HPS5: variants seen among roughly 807,000 people sequenced by gnomAD.
HPS5 encodes BLOC-2 complex member HPS5.
HPS5 carries 83 observed loss-of-function variants against 128.0 expected under a neutral mutation model. That is an observed-to-expected ratio of 0.65 (90% confidence interval 0.54 to 0.78). The LOEUF (loss-of-function observed/expected upper bound fraction) is 0.78, where lower values mean the gene tolerates loss of function less well. Among genes scored for constraint, HPS5 ranks in the 30% least tolerant of loss-of-function variants. The pLI is 0.00. For synonymous variants in HPS5, 475 were observed against 470.2 expected, an observed-to-expected ratio of 1.01 and a Z score of -0.13; for missense variants, 1,281 against 1,326.2, an observed-to-expected ratio of 0.97 and a Z score of 0.53.
intron 6 of HPS5, 45 bp downstream of exon 6, chr11:18,308,901 T>C: frequency 6.2e-7 from 1 of 1,601,104 alleles, no homozygotes; most frequent in East Asian, 2.2e-5. Context: ...TTCCTCCCAG[T>C]TCTAAAATTC....
At position 18,278,723 on chromosome 11, in the gene HPS5, CTCA is replaced by C. The variant is rs1404964685; in HGVS notation, c.*1156_*1158del. 2.0e-5 allele frequency: 3 copies of C among 152,246 alleles called. No homozygotes were observed. Among genetic ancestry groups the C allele is most frequent in the African/African-American group, 7.2e-5 (3 of 41,456 alleles). 9.4% of individuals were successfully genotyped at this position (152,246 alleles called of 1,614,324 possible). A position where few individuals can be genotyped will look rare whatever the true frequency, so the allele number is the denominator to read the frequency against. ...TTACTCCACACCTTTCTGCAAAATGCTCATAATAAACCTCCTGTCTACATTGTG... is the reference window on the plus strand; with the variant it reads ...TTACTCCACACCTTTCTGCAAAATGCTAATAAACCTCCTGTCTACATTGTG... On this transcript the variant is annotated 3_prime_UTR_variant, in exon 23 of 23. Coordinates refer to ENST00000349215, the MANE Select transcript of HPS5 (RefSeq NM_181507.2).
At chr11:18,284,012 A>T (rs1590048331) in intron 20 of HPS5, 111 bp from the exon 21 acceptor site, 1 of 720,000 alleles carries the variant, frequency 1.4e-6, no homozygotes, top group East Asian at 2.7e-5. Context: ...ATTTAAATTA[A>T]TTAAAAGTAA....
intron 12 of HPS5, chr11:18,296,568 G>A (rs949931966): frequency 1.6e-6 from 1 of 616,202 alleles, no homozygotes; most frequent in African/African-American, 1.8e-5. Flanking sequence ...TTTGATGCAT[G>A]ATCAAAAACA....
rs758338350 is a variant in HPS5, at chr11:18,291,506, CT to C, written c.2375del (p.Glu792GlyfsTer21). On this transcript the variant is annotated frameshift_variant, in exon 16 of 23. Transcript: ENST00000349215. LOFTEE classifies it high-confidence loss of function. The part of the protein sequence containing the change: ...FFLLNLKRAK[E>X]SIKLSYSNSP... ...TATTACTGTAACTAAGCTTGATACT[CT>C]CCTTCGCTCTTTTCAAGTTCAGGAG... The C allele has an allele frequency of 1.2e-5, 20 of 1,611,722 alleles. No homozygotes were observed. Among genetic ancestry groups the C allele is most frequent in the Non-Finnish European group, 1.5e-5 (18 of 1,179,144 alleles).
At chr11:18,282,891 T>C (rs1415275733) in intron 21 of HPS5, among the ~76,000 whole-genome samples, 1 of 152,038 alleles carries the variant, frequency 6.6e-6, no homozygotes, top group Middle Eastern at 3.2e-3. Flanking sequence ...GCCCACATAA[T>C]GTGAAAACTT....
chr11:18,294,157 C>T (rs574478539), intron 14 of HPS5, among the ~76,000 whole-genome samples: 4 of 152,330 alleles, frequency 2.6e-5, no homozygotes, highest in Admixed American at 1.3e-4. Context: ...AACTCTACTA[C>T]ACAAGGACCA....
At chr11:18,310,210 C>T (rs571432999) in intron 5 of HPS5, among the ~76,000 whole-genome samples, 1 of 152,288 alleles carries the variant, frequency 6.6e-6, no homozygotes, top group South Asian at 2.1e-4. Context: ...AACCCTTCTA[C>T]TTAGCCATAA....
At chr11:18,295,600 CAA>C (rs1245371482) in intron 13 of HPS5, among the ~76,000 whole-genome samples, 1 of 152,220 alleles carries the variant, frequency 6.6e-6, no homozygotes, top group Non-Finnish European at 1.5e-5. Context: ...AGTAGCTGCA[CAA>C]AGTCTTCTCT....
intron 14 of HPS5, 50 bp from the exon 15 acceptor site, chr11:18,293,026 T>A: frequency 7.1e-7 from 1 of 1,400,132 alleles, no homozygotes; most frequent in Non-Finnish European, 9.7e-7. Context: ...TTAGAGGGGA[T>A]CAGAGCTTTT....
At chr11:18,295,787 T>C (rs1860992021) in intron 13 of HPS5, among the ~76,000 whole-genome samples, 1 of 152,202 alleles carries the variant, frequency 6.6e-6, no homozygotes, top group African/African-American at 2.4e-5. Flanking sequence ...TGGGGGCACC[T>C]ACATCTGCAA....
intron 16 of HPS5, among the ~76,000 whole-genome samples, chr11:18,290,486 C>T (rs1860260909): frequency 1.3e-5 from 2 of 152,106 alleles, no homozygotes; most frequent in Non-Finnish European, 1.5e-5. Context: ...CAATAAGTAC[C>T]CCATATAGTA....
At chr11:18,285,687 T>C (rs894910136) in intron 19 of HPS5, among the ~76,000 whole-genome samples, 1 of 152,224 alleles carries the variant, frequency 6.6e-6, no homozygotes, top group African/African-American at 2.4e-5. Context: ...TAAATTCTTT[T>C]TTCTTCTTTT....
Position 18,280,465 on chromosome 11 carries a change from C to A in HPS5, c.3330-523G>T, listed in dbSNP as rs1274245752. 9.2e-6 allele frequency: 6 copies of A among 652,506 alleles called. 1 individual carries two copies. In the South Asian group the frequency reaches 1.0e-4, roughly 11 times the overall value. 40.4% of individuals were successfully genotyped at this position (652,506 alleles called of 1,614,324 possible). On this transcript the variant is annotated intron_variant, in intron 22 of 22. Transcript: ENST00000349215. ...GGAAAGTAAAATGGTGCAGTCTCTA[C>A]AGAACAGTATGGTGGTTCCTCAAAA...
chr11:18,296,745 T>C (rs748404986), intron 12 of HPS5, 53 bp downstream of exon 12: 4 of 1,484,470 alleles, frequency 2.7e-6, no homozygotes, highest in South Asian at 2.3e-5. Context: ...TAACAGGAGC[T>C]CGTGGAAAAT....
rs111859944 is a variant in HPS5, at chr11:18,297,863, C to T, written c.1165-146G>A. ...GGGAGGCCGAGGCGGGCAGATCCCC[C>T]GAGGTCAGGAGTTCAAGACAAGCCT... is the stretch of plus-strand genomic sequence containing the variant. On this transcript the variant is annotated intron_variant, in intron 10 of 22. Coordinates refer to ENST00000349215, the MANE Select transcript of HPS5 (RefSeq NM_181507.2). 1.8e-4 allele frequency: 130 copies of T among 723,338 alleles called. No individual in the cohort carries two copies. In the African/African-American group the frequency reaches 2.0e-3, roughly 11 times the overall value. 44.8% of individuals were successfully genotyped at this position (723,338 alleles called of 1,614,324 possible). A position where few individuals can be genotyped will look rare whatever the true frequency, so the allele number is the denominator to read the frequency against.
intron 10 of HPS5, 80 bp downstream of exon 10, chr11:18,298,712 G>T: frequency 7.0e-7 from 1 of 1,430,104 alleles, no homozygotes; most frequent in Non-Finnish European, 9.9e-7. Context: ...ATAAAATCAA[G>T]CAACTTTGTA....
At chr11:18,311,511 A>ATTATTTTTTT in intron 3 of HPS5, 60 bp from the exon 4 acceptor site, 1 of 530,688 alleles carries the variant, frequency 1.9e-6, no homozygotes. Context: ...TATTATTATT[A>ATTATTTTTTT]TTTTTTTTTT....
At position 18,295,064 on chromosome 11, in the gene HPS5, T is replaced by C. The variant is rs1458415208; in HGVS notation, c.1740A>G (p.Glu580=). 6.2e-7 allele frequency: 1 copy of C among 1,614,190 alleles called. No homozygotes were observed. Among genetic ancestry groups the C allele is most frequent in the East Asian group, 2.2e-5 (1 of 44,882 alleles). The change falls in exon 14 of 23, where the codon GAA becomes GAG. Residue 580 remains glutamate, a synonymous_variant. Transcript: ENST00000349215. The part of the protein sequence containing the change: ...PELRGDEQSC[E]EDVSSDTCPK... The stretch of plus-strand genomic sequence containing the variant: ...GGCAGGTATCTGAACTCACATCCTC[T>C]TCACATGATTGCTCATCACCCCTGA...
intron 8 of HPS5, among the ~76,000 whole-genome samples, chr11:18,302,929 AGATTAGATGG>A (rs1861903554): frequency 6.7e-6 from 1 of 150,144 alleles, no homozygotes; most frequent in Non-Finnish European, 1.5e-5. Flanking sequence ...ATAGCAACCT[AGATTAGATGG>A]GGGGCTGAGG....
Sources: allele counts gnomAD v4.1 joint callset (sites outside exome capture counted in the v4.1 genomes callset), GRCh38; gene constraint gnomAD v4.1.1; transcripts MANE v1.5; gene names NCBI Gene and HGNC (gene_info 2026-07-23, HGNC 2026-07-21).